Variants in FGGY observed in about 807,000 individuals in gnomAD.
FGGY encodes the protein FGGY carbohydrate kinase domain containing, also known as FGGY carbohydrate kinase domain-containing protein.
In FGGY, 72 loss-of-function variants were observed where a neutral mutation model predicts 71.3. That is an observed-to-expected ratio of 1.01 (90% CI 0.84 to 1.23). FGGY has a LOEUF of 1.23. Ranked by LOEUF, FGGY falls within the 50% of genes most tolerant of loss-of-function variation. FGGY has a pLI of 0.00. For synonymous variants in FGGY, 251 were observed against 250.3 expected, an observed-to-expected ratio of 1.00 and a Z score of -0.02; for missense variants, 668 against 682.3, an observed-to-expected ratio of 0.98 and a Z score of 0.23.
intron 5 of FGGY, among the ~76,000 whole-genome samples, chr1:59,395,296 T>A (rs1237847064): frequency 2.6e-5 from 4 of 152,138 alleles, no homozygotes; most frequent in Non-Finnish European, 5.9e-5. Flanking sequence ...CATACCATTA[T>A]ATTTTAAAAG....
intron 11 of FGGY, among the ~76,000 whole-genome samples, chr1:59,655,954 C>T (rs2153949634): frequency 6.6e-6 from 1 of 152,274 alleles, no homozygotes; most frequent in South Asian, 2.1e-4. Context: ...AATTGGCATA[C>T]ACCGCTAACC....
intron 10 of FGGY, among the ~76,000 whole-genome samples, chr1:59,634,420 GA>G (rs983604636): frequency 3.9e-5 from 6 of 151,958 alleles, no homozygotes; most frequent in African/African-American, 1.4e-4. Context: ...AAAAGAAAAA[GA>G]AAAAGTAAGG....
chr1:59,308,705 C>T (rs752428431), intron 1 of FGGY, among the ~76,000 whole-genome samples: 5 of 152,130 alleles, frequency 3.3e-5, no homozygotes, highest in Non-Finnish European at 7.4e-5. Context: ...ACTAATGCTG[C>T]TGCTCTTCTA....
At chr1:59,463,984 G>A (rs1282787368) in intron 6 of FGGY, among the ~76,000 whole-genome samples, 2 of 152,154 alleles carry the variant, frequency 1.3e-5, no homozygotes, top group Non-Finnish European at 2.9e-5. Flanking sequence ...AGGATACCCA[G>A]GACTTGAATT....
At position 59,667,537 on chromosome 1, in the gene FGGY, T is replaced by A; in HGVS notation, c.1417+134T>A. Reference sequence around the variant, plus strand: ...TATTAGAATAATCCTGAAGTCTTTATATTCACAATGGAGAAAGTGACTTCT... The same window carrying A: ...TATTAGAATAATCCTGAAGTCTTTAAATTCACAATGGAGAAAGTGACTTCT... On this transcript the variant is annotated intron_variant, in intron 13 of 15. Coordinates refer to ENST00000303721, the MANE Select transcript of FGGY (RefSeq NM_018291.5). The A allele has an allele frequency of 3.5e-6, 4 of 1,131,948 alleles. No homozygotes were observed. The South Asian group carries it at 6.1e-5, about 17-fold the overall frequency. 70.1% of individuals were successfully genotyped at this position (1,131,948 alleles called of 1,614,324 possible). A position where few individuals can be genotyped will look rare whatever the true frequency, so the allele number is the denominator to read the frequency against.
intron 14 of FGGY, among the ~76,000 whole-genome samples, chr1:59,709,381 A>G (rs988854437): frequency 3.3e-5 from 5 of 151,652 alleles, no homozygotes; most frequent in East Asian, 3.9e-4. Context: ...CCATAATCCA[A>G]TCACTTCCTA....
intron 8 of FGGY, among the ~76,000 whole-genome samples, chr1:59,592,944 A>G (rs960144195): frequency 1.3e-5 from 2 of 152,004 alleles, no homozygotes; most frequent in Non-Finnish European, 2.9e-5. Context: ...GTAATAATAA[A>G]ATAAGAAAAA....
At chr1:59,613,014 A>G (rs1342818059) in intron 9 of FGGY, among the ~76,000 whole-genome samples, 1 of 152,240 alleles carries the variant, frequency 6.6e-6, no homozygotes, top group Non-Finnish European at 1.5e-5. Context: ...TTAGAGAACT[A>G]CAAAGAGACT....
chr1:59,718,198 T>C (rs1470787784), intron 14 of FGGY, among the ~76,000 whole-genome samples: 1 of 152,224 alleles, frequency 6.6e-6, no homozygotes, highest in Non-Finnish European at 1.5e-5. Flanking sequence ...ACGCTGGCAT[T>C]TGAACTAGGT....
intron 6 of FGGY, among the ~76,000 whole-genome samples, chr1:59,493,451 G>T (rs1437092838): frequency 6.6e-6 from 1 of 152,138 alleles, no homozygotes; most frequent in African/African-American, 2.4e-5. Context: ...ATATGATTCA[G>T]CATTAAAAAG....
intron 14 of FGGY, 141 bp downstream of exon 14, chr1:59,674,274 C>T: frequency 3.5e-6 from 2 of 573,396 alleles, no homozygotes; most frequent in East Asian, 3.0e-5. Context: ...AGCACAAACA[C>T]TTCTAGCCTC....
chr1:59,485,431 G>A (rs1196878902), intron 6 of FGGY, among the ~76,000 whole-genome samples: 1 of 152,148 alleles, frequency 6.6e-6, no homozygotes, highest in East Asian at 1.9e-4. Context: ...AGATTGGCTG[G>A]TCAGGTAGGT....
At chr1:59,347,927 A>C (rs963910343) in intron 4 of FGGY, among the ~76,000 whole-genome samples, 6 of 152,230 alleles carry the variant, frequency 3.9e-5, no homozygotes, top group Non-Finnish European at 8.8e-5. Context: ...CACCAAAAGC[A>C]ATGGCAACAA....
chr1:59,465,586 A>G (rs6587856), intron 6 of FGGY, among the ~76,000 whole-genome samples: 62,075 of 152,046 alleles, frequency 0.41, 12,847 homozygotes, highest in Middle Eastern at 0.5. Flanking sequence ...TGCAGATGAC[A>G]TGATTGTATA....
intron 6 of FGGY, among the ~76,000 whole-genome samples, chr1:59,469,806 G>C (rs1228784404): frequency 6.6e-6 from 1 of 152,184 alleles, no homozygotes; most frequent in East Asian, 1.9e-4. Flanking sequence ...GTGTCCGTGT[G>C]TTCTCATTCT....
At chr1:59,660,158 A>G (rs536031713) in intron 11 of FGGY, 61 bp from the exon 12 acceptor site, 51 of 1,438,346 alleles carry the variant, frequency 3.5e-5, no homozygotes, top group African/African-American at 9.8e-5. Context: ...CATGGGAACT[A>G]TCTTTATCCA....
chr1:59,588,122 A>C (rs2096347598), intron 8 of FGGY, among the ~76,000 whole-genome samples: 1 of 152,254 alleles, frequency 6.6e-6, no homozygotes, highest in Admixed American at 6.5e-5. Flanking sequence ...GCTGAAAGCC[A>C]AGGCTCGAGA....
rs765949185 is a variant in FGGY at position 59,646,992 on chromosome 1, C to A, written c.1221+8617C>A. Among the ~76,000 whole-genome samples, 79 of 152,122 alleles carry A rather than the reference C, an allele frequency of 5.2e-4. 1 individual carries two copies. The highest frequency in any genetic ancestry group is 1.0e-3 in the Non-Finnish European group (70 of 68,016). On this transcript the variant is annotated intron_variant, in intron 11 of 15. Coordinates refer to ENST00000303721, the MANE Select transcript of FGGY (RefSeq NM_018291.5). Reference sequence around the variant, plus strand: ...AGAATCAGACTTTCCTTTCTTACTGCTCCTTTATCTTTCCTATATACACTA... The same window carrying A: ...AGAATCAGACTTTCCTTTCTTACTGATCCTTTATCTTTCCTATATACACTA...
At chr1:59,666,642 A>T (rs2097328655) in intron 12 of FGGY, among the ~76,000 whole-genome samples, 1 of 152,192 alleles carries the variant, frequency 6.6e-6, no homozygotes, top group African/African-American at 2.4e-5. Context: ...TGAATTGAAA[A>T]TATGGTGAAG....
Sources: allele counts gnomAD v4.1 joint callset (sites outside exome capture counted in the v4.1 genomes callset), GRCh38; gene constraint gnomAD v4.1.1; transcripts MANE v1.5; gene names NCBI Gene and HGNC (gene_info 2026-07-23, HGNC 2026-07-21).